The following VAV3 variants were observed in gnomAD, a reference collection of about 807,000 sequenced individuals.
The protein encoded by VAV3 is vav guanine nucleotide exchange factor 3.
A neutral mutation model predicts 131.2 loss-of-function variants in VAV3; 94 were observed. That is an observed-to-expected ratio of 0.72 (90% CI 0.61 to 0.85). The LOEUF (loss-of-function observed/expected upper bound fraction) is 0.85. VAV3 is among the 40% of genes least tolerant of loss of function. VAV3 has a pLI of 0.00. For missense variants in VAV3, 939 were observed against 1,002.7 expected, an observed-to-expected ratio of 0.94 and a Z score of 0.86; for synonymous variants, 349 against 342.0, an observed-to-expected ratio of 1.02 and a Z score of -0.22.
At chr1:107,575,675 T>G (rs1188963577) in intron 25 of VAV3, among the ~76,000 whole-genome samples, 1 of 152,196 alleles carries the variant, frequency 6.6e-6, no homozygotes, top group African/African-American at 2.4e-5. Flanking sequence ...GTGGTGACCT[T>G]GCATAGGTCT....
intron 19 of VAV3, among the ~76,000 whole-genome samples, chr1:107,657,701 GATTGT>G (rs1337919037): frequency 6.6e-6 from 1 of 152,134 alleles, no homozygotes; most frequent in Non-Finnish European, 1.5e-5. Context: ...TCCATGCAAA[GATTGT>G]AGCAAAATAT....
At chr1:107,682,507 T>C (rs999282907) in intron 19 of VAV3, among the ~76,000 whole-genome samples, 1 of 152,028 alleles carries the variant, frequency 6.6e-6, no homozygotes, top group African/African-American at 2.4e-5. Context: ...GTTTTTTTAA[T>C]GGCTTCAAAT....
chr1:107,748,963 C>T lies in VAV3; in HGVS notation c.1502+5G>A. On this transcript the variant is annotated splice_donor_5th_base_variant and intron_variant, in intron 15 of 26. Coordinates refer to ENST00000370056, the MANE Select transcript of VAV3 (RefSeq NM_006113.5). ...AAAAGCACTTTTAAAAATAGAAATA[C>T]TCACAAAGCCATTTCAAACTGTTCT... 6.4e-7 allele frequency: 1 copy of T among 1,568,520 alleles called. No individual in the cohort carries two copies. The highest frequency in any genetic ancestry group is 8.7e-7 in the Non-Finnish European group (1 of 1,155,282).
intron 25 of VAV3, among the ~76,000 whole-genome samples, chr1:107,574,424 A>G (rs1649474229): frequency 6.6e-6 from 1 of 152,218 alleles, no homozygotes; most frequent in Admixed American, 6.5e-5. Context: ...CTGTTTTTCC[A>G]TTCTTCATAA....
intron 19 of VAV3, among the ~76,000 whole-genome samples, chr1:107,676,004 T>C (rs1658183406): frequency 6.6e-6 from 1 of 152,300 alleles, no homozygotes; most frequent in Admixed American, 6.5e-5. Context: ...CAGAGGATCC[T>C]ACAAATGGAA....
At chr1:107,962,772 T>C (rs1675161980) in intron 1 of VAV3, among the ~76,000 whole-genome samples, 2 of 152,204 alleles carry the variant, frequency 1.3e-5, no homozygotes, top group South Asian at 4.1e-4. Flanking sequence ...AACCTCAAGG[T>C]TGAACAGACT....
At chr1:107,872,280 A>T (rs761440545) in intron 2 of VAV3, among the ~76,000 whole-genome samples, 87 of 152,224 alleles carry the variant, frequency 5.7e-4, no homozygotes, top group Non-Finnish European at 1.1e-3. Context: ...AGTAATATTA[A>T]GCACTCTGAA....
chr1:107,835,653 A>G (rs1668444644), intron 2 of VAV3, among the ~76,000 whole-genome samples: 1 of 152,228 alleles, frequency 6.6e-6, no homozygotes, highest in African/African-American at 2.4e-5. Flanking sequence ...ATTCTACAGT[A>G]GCCACCAGAA....
At chr1:107,716,851 G>A (rs187424259) in intron 15 of VAV3, among the ~76,000 whole-genome samples, 38 of 152,298 alleles carry the variant, frequency 2.5e-4, no homozygotes, top group African/African-American at 9.1e-4. Flanking sequence ...GAATCCGGCT[G>A]TGAATCCGTC....
At chr1:107,697,245 C>T (rs1036471139) in intron 17 of VAV3, among the ~76,000 whole-genome samples, 1 of 152,016 alleles carries the variant, frequency 6.6e-6, no homozygotes, top group Non-Finnish European at 1.5e-5. Flanking sequence ...GGCTACCCAG[C>T]AAACCCCGAT....
intron 17 of VAV3, among the ~76,000 whole-genome samples, chr1:107,694,007 C>A (rs1659598390): frequency 6.6e-6 from 1 of 152,150 alleles, no homozygotes; most frequent in Non-Finnish European, 1.5e-5. Flanking sequence ...CAAGATCAAA[C>A]TGATCTGGGT....
chr1:107,877,320 T>C lies in VAV3; in HGVS notation c.205-2303A>G, dbSNP rs1670551786. On this transcript the variant is annotated intron_variant, in intron 1 of 26. Coordinates refer to ENST00000370056, the MANE Select transcript of VAV3 (RefSeq NM_006113.5). ...CTTGGGGATTATGCAACTGCTCTCTTGCAATATCGTTTACATAATTAAGTG... is the reference window on the plus strand; with the variant it reads ...CTTGGGGATTATGCAACTGCTCTCTCGCAATATCGTTTACATAATTAAGTG... Among the ~76,000 whole-genome samples the C allele has an allele frequency of 2.0e-5, 3 of 152,138 alleles. No individual in the cohort carries two copies. In the South Asian group the frequency reaches 6.2e-4, roughly 31 times the overall value.
chr1:107,811,189 G>T (rs1187049755), intron 2 of VAV3, among the ~76,000 whole-genome samples: 1 of 152,144 alleles, frequency 6.6e-6, no homozygotes, highest in African/African-American at 2.4e-5. Flanking sequence ...AGAAAAAAAA[G>T]TCTTATCATT....
rs900292497 is a variant in VAV3, at chr1:107,669,057, A to G, written c.1777+14431T>C. On this transcript the variant is annotated intron_variant, in intron 19 of 26. Coordinates refer to ENST00000370056, the MANE Select transcript of VAV3 (RefSeq NM_006113.5). ...GGGAGAAAGTCAGGAGCTGCTAAGA[A>G]GGTCAAAAAGAACACAGGGGAAAAA... is the stretch of plus-strand genomic sequence containing the variant. The G allele has an allele frequency of 3.7e-6, 4 of 1,069,186 alleles. No individual in the cohort carries two copies. In the African/African-American group the frequency reaches 6.9e-5, roughly 18 times the overall value. The allele number at this position is 1,069,186 out of a possible 1,614,324, so 66.2% of individuals were successfully genotyped here.
intron 1 of VAV3, among the ~76,000 whole-genome samples, chr1:107,943,687 A>G (rs1328244820): frequency 1.3e-5 from 2 of 152,236 alleles, no homozygotes; most frequent in African/African-American, 2.4e-5. Flanking sequence ...GGTTGCAGTG[A>G]GCCGAGATGG....
intron 2 of VAV3, among the ~76,000 whole-genome samples, chr1:107,825,270 T>A (rs1571004977): frequency 6.6e-6 from 1 of 152,184 alleles, no homozygotes. Flanking sequence ...AATGACTGTG[T>A]AGCAAGTATC....
At chr1:107,719,483 A>G (rs1379194205) in intron 15 of VAV3, among the ~76,000 whole-genome samples, 2 of 152,238 alleles carry the variant, frequency 1.3e-5, no homozygotes, top group Non-Finnish European at 2.9e-5. Flanking sequence ...ACTGGTCATC[A>G]GAGAAATGCA....
At chr1:107,890,988 A>C (rs1671283454) in intron 1 of VAV3, among the ~76,000 whole-genome samples, 1 of 152,062 alleles carries the variant, frequency 6.6e-6, no homozygotes, top group Non-Finnish European at 1.5e-5. Flanking sequence ...TTAATCTAAC[A>C]CTGTTTGAAA....
intron 1 of VAV3, among the ~76,000 whole-genome samples, chr1:107,920,603 T>C (rs2101152103): frequency 6.6e-6 from 1 of 152,328 alleles, no homozygotes; most frequent in South Asian, 2.1e-4. Flanking sequence ...ACCACTTCTT[T>C]GATGAAAAAG....
Sources: gnomAD v4.1 joint callset for allele counts (sites outside exome capture counted in the v4.1 genomes callset) on GRCh38, gnomAD v4.1.1 for gene constraint, MANE v1.5 for transcripts, NCBI Gene and HGNC (gene_info 2026-07-23, HGNC 2026-07-21) for gene names.